Variants in LMNTD1 observed in about 807,000 individuals in gnomAD.
LMNTD1 encodes the protein lamin tail domain-containing protein 1.
Under a neutral mutation model 50.9 loss-of-function variants are expected in LMNTD1, and 35 were observed. The ratio of observed to expected loss-of-function variants is 0.69; its 90% CI spans 0.53 to 0.91. LMNTD1 has a LOEUF of 0.91. LMNTD1 is among the 40% of genes least tolerant of loss of function. LMNTD1 has a pLI of 0.00. For synonymous variants in LMNTD1, 153 were observed against 161.9 expected, an observed-to-expected ratio of 0.94 and a Z score of 0.42; for missense variants, 470 against 475.5, an observed-to-expected ratio of 0.99 and a Z score of 0.11.
intron 1 of LMNTD1, among the ~76,000 whole-genome samples, chr12:25,591,258 C>A (rs1945687056): frequency 6.6e-6 from 1 of 152,064 alleles, no homozygotes; most frequent in South Asian, 2.1e-4. Context: ...CTGTTCTGAG[C>A]CACCTGGGAG....
At chr12:25,541,370 G>A (rs1161974478) in intron 4 of LMNTD1, among the ~76,000 whole-genome samples, 1 of 147,414 alleles carries the variant, frequency 6.8e-6, no homozygotes, top group Non-Finnish European at 1.5e-5. Flanking sequence ...TACCAAAACA[G>A]AGATATAGAT....
At chr12:25,625,652 C>T (rs1231985723) in intron 1 of LMNTD1, among the ~76,000 whole-genome samples, 1 of 152,202 alleles carries the variant, frequency 6.6e-6, no homozygotes, top group East Asian at 1.9e-4. Context: ...GACTCCCCGG[C>T]TTACTACTCA....
At chr12:25,487,692 G>T (rs1305845437) in intron 9 of LMNTD1, among the ~76,000 whole-genome samples, 5 of 129,546 alleles carry the variant, frequency 3.9e-5, no homozygotes, top group Middle Eastern at 3.6e-3. Flanking sequence ...GTTAGCTGGT[G>T]ATTTTGCTTG....
At chr12:25,631,754 C>CA (rs1946723892) in intron 1 of LMNTD1, among the ~76,000 whole-genome samples, 1 of 152,052 alleles carries the variant, frequency 6.6e-6, no homozygotes, top group Non-Finnish European at 1.5e-5. Flanking sequence ...TGACACCCCC[C>CA]AAAAATCACA....
At chr12:25,535,235 CAT>C (rs896796653) in intron 4 of LMNTD1, among the ~76,000 whole-genome samples, 1 of 151,936 alleles carries the variant, frequency 6.6e-6, no homozygotes, top group Non-Finnish European at 1.5e-5. Context: ...AACATGAAGA[CAT>C]AACAATATAC....
intron 9 of LMNTD1, among the ~76,000 whole-genome samples, chr12:25,495,350 T>G (rs1038935095): frequency 1.3e-5 from 2 of 151,936 alleles, no homozygotes; most frequent in Non-Finnish European, 2.9e-5. Flanking sequence ...TTTGGATTTA[T>G]TTTTCATTGT....
intron 8 of LMNTD1, among the ~76,000 whole-genome samples, chr12:25,510,314 C>G (rs536484916): frequency 6.6e-6 from 1 of 151,530 alleles, no homozygotes; most frequent in Non-Finnish European, 1.5e-5. Context: ...CAATATAGAA[C>G]TCAGGATTAG....
intron 3 of LMNTD1, 103 bp downstream of exon 3, chr12:25,549,223 G>C: frequency 1.6e-6 from 1 of 610,648 alleles, no homozygotes; most frequent in Non-Finnish European, 2.8e-6. Flanking sequence ...CATTTTGGGG[G>C]AGTAATAATA....
At chr12:25,627,113 T>C (rs1254500117) in intron 1 of LMNTD1, among the ~76,000 whole-genome samples, 1 of 152,182 alleles carries the variant, frequency 6.6e-6, no homozygotes, top group Non-Finnish European at 1.5e-5. Context: ...ACAAAGGTAA[T>C]TGTACACGCT....
chr12:25,569,192 A>G (rs989635186), intron 1 of LMNTD1, among the ~76,000 whole-genome samples: 3 of 152,204 alleles, frequency 2.0e-5, no homozygotes, highest in African/African-American at 7.2e-5. Flanking sequence ...GAGTCCACCC[A>G]TTATACAGTG....
At chr12:25,572,289 A>T (rs1253020937) in intron 1 of LMNTD1, among the ~76,000 whole-genome samples, 1 of 152,236 alleles carries the variant, frequency 6.6e-6, no homozygotes, top group Non-Finnish European at 1.5e-5. Flanking sequence ...GCTAAAAAGA[A>T]AAAGTATTTC....
intron 1 of LMNTD1, among the ~76,000 whole-genome samples, chr12:25,640,902 C>T (rs544505914): frequency 3.3e-5 from 5 of 152,208 alleles, no homozygotes; most frequent in African/African-American, 9.6e-5. Flanking sequence ...CTCCTGACCT[C>T]GTGATCCACC....
chr12:25,527,408 T>C (rs1468167266), intron 4 of LMNTD1, among the ~76,000 whole-genome samples: 1 of 151,452 alleles, frequency 6.6e-6, no homozygotes, highest in Non-Finnish European at 1.5e-5. Flanking sequence ...TAAATAAACA[T>C]AGGATGGTGT....
intron 9 of LMNTD1, among the ~76,000 whole-genome samples, chr12:25,494,117 T>C (rs11048075): frequency 0.26 from 39,880 of 152,100 alleles, 5,409 homozygotes; most frequent in Middle Eastern, 0.34. Flanking sequence ...AACCATTTCT[T>C]GTGGTAGTTA....
chr12:25,585,806 A>AT (rs1483284464), intron 1 of LMNTD1, among the ~76,000 whole-genome samples: 1 of 152,170 alleles, frequency 6.6e-6, no homozygotes, highest in East Asian at 1.9e-4. Context: ...AAGGTTGTTC[A>AT]TTTTTTTGTG....
In LMNTD1 at chr12:25,566,158, A is replaced by C. The variant is rs11048113; in HGVS notation, c.59-19604T>G. Among the ~76,000 whole-genome samples the C allele has an allele frequency of 0.026, 3,994 of 152,094 alleles. 426 individuals carry two copies. In the East Asian group the frequency reaches 0.37, roughly 14 times the overall value. ...TTTTTAGGTTTGGGAAGTCCTTTTTAATTATCCCTTTGAATAAACTTTCTA... is the reference window on the plus strand; with the variant it reads ...TTTTTAGGTTTGGGAAGTCCTTTTTCATTATCCCTTTGAATAAACTTTCTA... On this transcript the variant is annotated intron_variant, in intron 1 of 7. Coordinates refer to the LMNTD1 transcript ENST00000445693.
In LMNTD1 at chr12:25,520,068, G is replaced by T; in HGVS notation, c.806C>A (p.Ala269Glu). 6.2e-7 allele frequency: 1 copy of T among 1,602,570 alleles called. No homozygotes were observed. The highest frequency in any genetic ancestry group is 8.5e-7 in the Non-Finnish European group (1 of 1,174,176). The stretch of plus-strand genomic sequence containing the variant: ...CTTCCAGTGGATAGGGGTGTACCAC[G>T]CAATGGCCTAATGAAAATGATTTAT... ...ILCKPNGQAIAWYTPIHWKQA... is the reference protein window; with the variant it reads ...ILCKPNGQAIEWYTPIHWKQA... The change falls in exon 7 of 10, where the codon GCG becomes GAG. Residue 269 changes from alanine (A) to glutamate (E), a missense_variant. Transcript: ENST00000458174.
At chr12:25,487,167 G>T (rs11502715) in intron 9 of LMNTD1, among the ~76,000 whole-genome samples, 23,402 of 138,692 alleles carry the variant, frequency 0.17, 1,967 homozygotes, top group Middle Eastern at 0.24. Flanking sequence ...GTGCAGAGCT[G>T]AGTTCAATTC....
intron 4 of LMNTD1, among the ~76,000 whole-genome samples, chr12:25,530,286 T>G (rs1942129475): frequency 6.6e-6 from 1 of 152,216 alleles, no homozygotes; most frequent in Admixed American, 6.5e-5. Flanking sequence ...ATAATGTTTC[T>G]TATGGTATAG....
Sources: gnomAD v4.1 joint callset for allele counts (sites outside exome capture counted in the v4.1 genomes callset) on GRCh38, gnomAD v4.1.1 for gene constraint, MANE v1.5 for transcripts, NCBI Gene and HGNC (gene_info 2026-07-23, HGNC 2026-07-21) for gene names.